LEMD2: variants seen among roughly 807,000 people sequenced by gnomAD.
LEMD2 encodes the protein LEM domain nuclear envelope protein 2, also known as LEM domain-containing protein 2.
Under a neutral mutation model 58.8 loss-of-function variants are expected in LEMD2, and 34 were observed. That is an observed-to-expected ratio of 0.58 (90% CI 0.44 to 0.77). The LOEUF (loss-of-function observed/expected upper bound fraction) is 0.77, where lower values mean the gene tolerates loss of function less well. Among genes scored for constraint, LEMD2 ranks in the 30% least tolerant of loss-of-function variants. LEMD2 has a pLI of 0.00. For missense variants in LEMD2, 629 were observed against 717.9 expected, an observed-to-expected ratio of 0.88 and a Z score of 1.42; for synonymous variants, 298 against 308.9, an observed-to-expected ratio of 0.96 and a Z score of 0.37.
intron 3 of LEMD2, among the ~76,000 whole-genome samples, chr6:33,783,303 C>G (rs1008085872): frequency 9.7e-4 from 147 of 152,174 alleles, no homozygotes; most frequent in African/African-American, 3.2e-3. Context: ...GGATGCCTCC[C>G]CTACCATCTC....
At chr6:33,784,469 T>TGGGGGGGGGG in intron 2 of LEMD2, 42 bp from the exon 3 acceptor site, 3 of 36,546 alleles carry the variant, frequency 8.2e-5, no homozygotes, top group South Asian at 1.5e-4. Context: ...GAGGGGTGGG[T>TGGGGGGGGGG]GGGAGGGGTC....
Position 33,778,421 on chromosome 6 carries a change from A to T in LEMD2, c.1011-34T>A. The T allele has an allele frequency of 6.9e-7, 1 of 1,452,482 alleles. No homozygotes were observed. Among genetic ancestry groups the T allele is most frequent in the Non-Finnish European group, 9.1e-7 (1 of 1,093,344 alleles). The allele number at this position is 1,452,482 out of a possible 1,614,324, so 90.0% of individuals were successfully genotyped here. A position where few individuals can be genotyped will look rare whatever the true frequency, so the allele number is the denominator to read the frequency against. On this transcript the variant is annotated intron_variant, in intron 5 of 8. Transcript: ENST00000293760. The surrounding 1 kb of genome is among the most constrained non-coding windows in gnomAD (Gnocchi z 4.7). ...GGACACAGGGCTCTGAACATGTTGGAAAGCTCCAAGGAGAGGCAGTGCAAG... is the reference window on the plus strand; with the variant it reads ...GGACACAGGGCTCTGAACATGTTGGTAAGCTCCAAGGAGAGGCAGTGCAAG...
chr6:33,788,328 C>T, intron 1 of LEMD2, 53 bp downstream of exon 1: 1 of 1,492,274 alleles, frequency 6.7e-7, no homozygotes. Flanking sequence ...GGGGGGTCCT[C>T]CGGCGGACAC....
chr6:33,784,743 G>A (rs1279893863), intron 2 of LEMD2: 18 of 259,194 alleles, frequency 6.9e-5, no homozygotes, highest in African/African-American at 3.5e-4. Context: ...GGGCTGAGCA[G>A]AGGCGACGTG....
At position 33,781,057 on chromosome 6, in the gene LEMD2, A is replaced by G. The variant is rs757303308; in HGVS notation, c.930+20T>C. ...GCACCAGGCCCTCCCAGGAATGTAT[A>G]AGCACTGAAGCCTACTTACGGCTAT... is the stretch of plus-strand genomic sequence containing the variant. On this transcript the variant is annotated intron_variant, in intron 4 of 8. Transcript: ENST00000293760. 6.4e-6 allele frequency: 10 copies of G among 1,567,590 alleles called. No homozygotes were observed. In the South Asian group the frequency reaches 9.0e-5, roughly 14 times the overall value.
intron 5 of LEMD2, 136 bp downstream of exon 5, chr6:33,779,964 C>A (rs1371186625): frequency 2.8e-6 from 2 of 708,976 alleles, no homozygotes; most frequent in Admixed American, 2.4e-5. Context: ...TCCATCCTAA[C>A]CCACATGATT....
At chr6:33,786,977 T>C (rs1425125927) in intron 1 of LEMD2, 4 of 1,213,432 alleles carry the variant, frequency 3.3e-6, no homozygotes, top group South Asian at 3.5e-5. Flanking sequence ...GGAATTACGA[T>C]AGCTGGGTCC....
Position 33,788,809 on chromosome 6 carries a change from GC to G in LEMD2, c.307del (p.Ala103ProfsTer13), listed in dbSNP as rs1213032484. ...ASGSAYATPG[A>X]YGDIRPSAAS... The stretch of plus-strand genomic sequence containing the variant: ...CGCGGAGGGCCGGATATCACCGTAG[GC>G]CCCAGGGGTCGCGTAGGCCGAGCCC... On this transcript the variant is annotated frameshift_variant, in exon 1 of 9. Transcript: ENST00000293760. LOFTEE classifies it high-confidence loss of function. The G allele has an allele frequency of 2.1e-6, 3 of 1,444,806 alleles. No homozygotes were observed. Among genetic ancestry groups the G allele is most frequent in the Admixed American group, 2.5e-5 (1 of 39,622 alleles). 89.5% of individuals were successfully genotyped at this position (1,444,806 alleles called of 1,614,324 possible).
At chr6:33,787,388 G>A (rs1468966542) in intron 1 of LEMD2, among the ~76,000 whole-genome samples, 1 of 152,194 alleles carries the variant, frequency 6.6e-6, no homozygotes, top group Non-Finnish European at 1.5e-5. Flanking sequence ...TTGGGTGTTT[G>A]CACACGAGTC....
Position 33,785,424 on chromosome 6 carries a change from C to T in LEMD2, c.778-997G>A, listed in dbSNP as rs919503152. Reference sequence around the variant, plus strand: ...GCCCTCGCTGGCAGGTGCTGAATGCCGTCTGCCCACGGAGCGCATCTGTAG... The same window carrying T: ...GCCCTCGCTGGCAGGTGCTGAATGCTGTCTGCCCACGGAGCGCATCTGTAG... On this transcript the variant is annotated intron_variant, in intron 2 of 8. Coordinates refer to ENST00000293760, the MANE Select transcript of LEMD2 (RefSeq NM_181336.4). 2.0e-5 allele frequency among the ~76,000 whole-genome samples: 3 copies of T among 152,148 alleles called. No homozygotes were observed. In the East Asian group the frequency reaches 5.8e-4, roughly 29 times the overall value.
chr6:33,783,918 T>C (rs1767617574), intron 3 of LEMD2, among the ~76,000 whole-genome samples: 1 of 152,212 alleles, frequency 6.6e-6, no homozygotes, highest in African/African-American at 2.4e-5. Context: ...ACAGACTATC[T>C]GCTACTTGCA....
At chr6:33,785,027 C>G (rs1193322300) in intron 2 of LEMD2, among the ~76,000 whole-genome samples, 1 of 152,182 alleles carries the variant, frequency 6.6e-6, no homozygotes, top group Non-Finnish European at 1.5e-5. Context: ...AACGAGACGG[C>G]CTGATTAAGA....
intron 2 of LEMD2, among the ~76,000 whole-genome samples, chr6:33,785,306 T>C (rs1767652507): frequency 6.6e-6 from 1 of 152,076 alleles, no homozygotes; most frequent in South Asian, 2.1e-4. Context: ...AAATCTTAGC[T>C]CCACAAAGCC....
intron 4 of LEMD2, 125 bp from the exon 5 acceptor site, chr6:33,780,304 A>G: frequency 1.2e-6 from 1 of 802,390 alleles, no homozygotes; most frequent in South Asian, 1.5e-5. Context: ...TGTTCTGCTA[A>G]AAGCACAGCA....
In LEMD2 at chr6:33,773,594, C is replaced by CA. The variant is rs1554148352; in HGVS notation, c.1362-817_1362-816insT. On this transcript the variant is annotated intron_variant, in intron 8 of 8. Coordinates refer to ENST00000293760, the MANE Select transcript of LEMD2 (RefSeq NM_181336.4). ...CGGAGGTGGCCAGTGAGTCAGGAGG[C>CA]GGGGGGGGGGCTAGGGCTTCCCCAG... Among the ~76,000 whole-genome samples the CA allele has an allele frequency of 2.9e-5, 4 of 139,478 alleles. No individual in the cohort carries two copies. In the East Asian group the frequency reaches 6.4e-4, roughly 22 times the overall value. 91.5% of individuals were successfully genotyped at this position (139,478 alleles called of 152,430 possible).
At chr6:33,780,212 C>A in intron 4 of LEMD2, 33 bp from the exon 5 acceptor site, 1 of 1,540,028 alleles carries the variant, frequency 6.5e-7, no homozygotes. Flanking sequence ...GTTAGTTCGG[C>A]GTCTGGGCGG....
intron 3 of LEMD2, among the ~76,000 whole-genome samples, chr6:33,782,951 A>C (rs1181611674): frequency 1.3e-5 from 2 of 152,274 alleles, no homozygotes; most frequent in Non-Finnish European, 2.9e-5. Context: ...CCTTGAGGGC[A>C]TAAGGCAAGA....
intron 3 of LEMD2, among the ~76,000 whole-genome samples, chr6:33,782,729 C>T (rs1235525877): frequency 6.6e-6 from 1 of 152,360 alleles, no homozygotes; most frequent in East Asian, 1.9e-4. Context: ...GACCCCAAGC[C>T]GGGGTTGGGC....
intron 4 of LEMD2, chr6:33,780,399 A>G: frequency 1.7e-6 from 1 of 579,172 alleles, no homozygotes; most frequent in Non-Finnish European, 3.2e-6. Flanking sequence ...ACAAGCAGGA[A>G]AACAGTGCGG....
Sources: allele counts gnomAD v4.1 joint callset (sites outside exome capture counted in the v4.1 genomes callset), GRCh38; gene constraint gnomAD v4.1.1; non-coding constraint Gnocchi (gnomAD v3.1); transcripts MANE v1.5; gene names NCBI Gene and HGNC (gene_info 2026-07-23, HGNC 2026-07-21).